Variants in ARID4B observed in about 807,000 individuals in gnomAD.
ARID4B encodes the protein AT-rich interactive domain-containing protein 4B.
In ARID4B, 26 loss-of-function variants were observed where a neutral mutation model predicts 147.5. The ratio of observed to expected loss-of-function variants is 0.18; its 90% CI spans 0.13 to 0.24. The LOEUF is 0.24. Among genes scored for constraint, ARID4B ranks in the 10% least tolerant of loss-of-function variants. The pLI, the probability that ARID4B is intolerant of heterozygous loss-of-function variation, is 1.00. For synonymous variants in ARID4B, 512 were observed against 507.9 expected (o/e 1.01, Z -0.11); for missense variants, 1,179 against 1,511.5 (o/e 0.78, Z 3.65).
rs556339733 is a variant in ARID4B at position 235,326,599 on chromosome 1, G to A, written c.6+315C>T. ...ACCACAATACAGTTCAGTTTCTAGG[G>A]TCAGATTACCTGACTTGCTTTTTAT... On this transcript the variant is annotated intron_variant, in intron 2 of 23. Transcript: ENST00000264183. 3.3e-5 allele frequency among the ~76,000 whole-genome samples: 5 copies of A among 152,232 alleles called. No homozygotes were observed. The East Asian group carries it at 7.7e-4, about 23-fold the overall frequency.
At chr1:235,284,557 T>A (rs1263016370) in intron 2 of ARID4B, among the ~76,000 whole-genome samples, 1 of 152,216 alleles carries the variant, frequency 6.6e-6, no homozygotes, top group African/African-American at 2.4e-5. Context: ...GCACAGTGGC[T>A]CATGGCTATA....
intron 16 of ARID4B, among the ~76,000 whole-genome samples, chr1:235,216,964 C>T (rs916510351): frequency 2.6e-5 from 4 of 151,794 alleles, no homozygotes; most frequent in East Asian, 3.9e-4. Context: ...TTTGAAATGA[C>T]GACAAACTCC....
chr1:235,238,790 G>C (rs745612180), intron 8 of ARID4B, among the ~76,000 whole-genome samples: 2 of 151,832 alleles, frequency 1.3e-5, no homozygotes, highest in Non-Finnish European at 2.9e-5. Flanking sequence ...AGGAGGTCAA[G>C]GCTGCAGCGA....
intron 2 of ARID4B, among the ~76,000 whole-genome samples, chr1:235,314,750 A>C (rs935954004): frequency 6.6e-6 from 1 of 152,142 alleles, no homozygotes; most frequent in African/African-American, 2.4e-5. Flanking sequence ...ATAACAATAT[A>C]TATAACATTT....
intron 22 of ARID4B, among the ~76,000 whole-genome samples, chr1:235,173,791 T>TATATATATATATATGTATACCTAAAAC (rs1558165892): frequency 2.3e-3 from 158 of 67,698 alleles, no homozygotes; most frequent in Non-Finnish European, 3.8e-3. Flanking sequence ...TATATATATA[T>TATATATATATATATGTATACCTAAAAC]ATATATATAT....
At chr1:235,220,661 A>C (rs1410065034) in intron 14 of ARID4B, 116 bp from the exon 15 acceptor site, 2 of 857,628 alleles carry the variant, frequency 2.3e-6, no homozygotes, top group Non-Finnish European at 3.3e-6. Context: ...GAGCCATATT[A>C]ACATTCTAAT....
intron 17 of ARID4B, among the ~76,000 whole-genome samples, chr1:235,212,526 T>C (rs1240682558): frequency 6.6e-6 from 1 of 152,230 alleles, no homozygotes; most frequent in Admixed American, 6.5e-5. Context: ...ATCGGACTGG[T>C]ACTTTTCTCA....
intron 2 of ARID4B, among the ~76,000 whole-genome samples, chr1:235,311,533 G>A (rs2103278187): frequency 6.6e-6 from 1 of 152,118 alleles, no homozygotes; most frequent in South Asian, 2.1e-4. Flanking sequence ...CTGTACTTTG[G>A]GAGGTCGAGG....
chr1:235,326,767 G>C (rs747381365), intron 2 of ARID4B, 147 bp downstream of exon 2: 9 of 958,712 alleles, frequency 9.4e-6, no homozygotes, highest in Non-Finnish European at 1.5e-5. Context: ...AGCTGACCCC[G>C]GTCTCTCTGG....
chr1:235,228,995 G>A (rs1668030796), intron 11 of ARID4B: 1 of 444,994 alleles, frequency 2.2e-6, no homozygotes. Flanking sequence ...GGAAGACTAA[G>A]ACATGTTTTT....
chr1:235,218,396 G>C (rs1166068577), intron 16 of ARID4B, among the ~76,000 whole-genome samples: 1 of 152,128 alleles, frequency 6.6e-6, no homozygotes, highest in African/African-American at 2.4e-5. Flanking sequence ...ATTTATCACA[G>C]TGCCTTGCAA....
intron 3 of ARID4B, among the ~76,000 whole-genome samples, chr1:235,257,815 A>G (rs532582121): frequency 4.6e-5 from 7 of 152,276 alleles, no homozygotes; most frequent in African/African-American, 1.7e-4. Context: ...ACTATCAGTT[A>G]TGAATTTAGT....
intron 2 of ARID4B, among the ~76,000 whole-genome samples, chr1:235,322,481 T>C (rs1223540571): frequency 1.3e-5 from 2 of 152,186 alleles, no homozygotes; most frequent in Non-Finnish European, 2.9e-5. Context: ...TTATCCTCTA[T>C]CTGAAAAACT....
chr1:235,276,519 T>C (rs1028713023), intron 2 of ARID4B, among the ~76,000 whole-genome samples: 1 of 152,098 alleles, frequency 6.6e-6, no homozygotes, highest in Non-Finnish European at 1.5e-5. Context: ...GAATACTAAT[T>C]GTCATGGTGG....
At chr1:235,208,890 A>C (rs1316349022) in intron 17 of ARID4B, among the ~76,000 whole-genome samples, 1 of 152,190 alleles carries the variant, frequency 6.6e-6, no homozygotes, top group Non-Finnish European at 1.5e-5. Context: ...TTTAAAAAAT[A>C]ATTTATGAGC....
chr1:235,316,306 G>A (rs751407572), intron 2 of ARID4B, among the ~76,000 whole-genome samples: 29 of 151,794 alleles, frequency 1.9e-4, no homozygotes, highest in Non-Finnish European at 3.1e-4. Flanking sequence ...TCAGGAGTTC[G>A]AGACCAGCCT....
At chr1:235,256,961 G>A (rs1404042434) in intron 4 of ARID4B, among the ~76,000 whole-genome samples, 199 bp downstream of exon 4, 1 of 151,942 alleles carries the variant, frequency 6.6e-6, no homozygotes, top group African/African-American at 2.4e-5. Context: ...TTGCAACCTT[G>A]AACTCCTGGC....
chr1:235,255,267 A>AGATCGATCTATCTATCTATC (rs1553304359), intron 5 of ARID4B, among the ~76,000 whole-genome samples: 1 of 137,154 alleles, frequency 7.3e-6, no homozygotes, highest in Non-Finnish European at 1.6e-5. Context: ...AGATAGATAT[A>AGATCGATCTATCTATCTATC]TATCTCTCTC....
chr1:235,230,501 A>G (rs1461182808), intron 10 of ARID4B, among the ~76,000 whole-genome samples: 2 of 151,356 alleles, frequency 1.3e-5, no homozygotes, highest in African/African-American at 2.4e-5. Flanking sequence ...CCAGAAACTA[A>G]TATTTTATTT....
Sources: gnomAD v4.1 joint callset for allele counts (sites outside exome capture counted in the v4.1 genomes callset) on GRCh38, gnomAD v4.1.1 for gene constraint, MANE v1.5 for transcripts, NCBI Gene and HGNC (gene_info 2026-07-23, HGNC 2026-07-21) for gene names.